The following TMEM67 variants were observed in gnomAD, a reference collection of about 807,000 sequenced individuals.
TMEM67 encodes the protein transmembrane protein 67, also known as meckelin.
TMEM67 carries 124 observed loss-of-function variants against 136.6 expected under a neutral mutation model. That is an observed-to-expected ratio of 0.91 (90% CI 0.78 to 1.05). The LOEUF is 1.05. TMEM67 is among the 50% of genes least tolerant of loss of function. TMEM67 has a pLI of 0.00. For synonymous variants in TMEM67, 364 were observed against 390.5 expected (o/e 0.93, Z 0.80); for missense variants, 1,107 against 1,178.4 (o/e 0.94, Z 0.89).
chr8:93,758,640 T>A, intron 3 of TMEM67, 64 bp downstream of exon 3: 1 of 1,314,112 alleles, frequency 7.6e-7, no homozygotes, highest in Non-Finnish European at 1.1e-6. Flanking sequence ...TGTTTTTATT[T>A]GAAAAGGGCA....
In TMEM67 at chr8:93,791,271, C is replaced by T. The variant is rs1375596253; in HGVS notation, c.1527C>T (p.Phe509=). 3 of 1,603,312 alleles carry T rather than the reference C, an allele frequency of 1.9e-6. No homozygotes were observed. The highest frequency in any genetic ancestry group is 2.6e-6 in the Non-Finnish European group (3 of 1,170,998). Residue 509 remains phenylalanine, a synonymous_variant, in exon 15 of 28, where the codon TTC becomes TTT. Coordinates refer to ENST00000453321, the MANE Select transcript of TMEM67 (RefSeq NM_153704.6). ...TTTGTTTTAAATATCAGGTTTCTTT[C>T]TCAGTCACATATGAAATGGATCATG... The part of the protein sequence containing the change: ...DANSQSVKVS[F]SVTYEMDHGE...
At position 93,765,636 on chromosome 8, in the gene TMEM67, A is replaced by G. The variant is rs768183184; in HGVS notation, c.641A>G (p.Tyr214Cys). 7.6e-5 allele frequency: 123 copies of G among 1,610,662 alleles called. No homozygotes were observed. The highest frequency in any genetic ancestry group is 1.0e-4 in the Non-Finnish European group (118 of 1,176,946). Reference protein sequence around the residue: ...FPLRRISAARYGEVGMSLTSE... With the variant: ...FPLRRISAARCGEVGMSLTSE... ...CTACGTAGAATTTCAGCTGCACGTT[A>G]TGGAGAAGTTGTGAGTATGTTTCAA... The change falls in exon 6 of 28, where the codon TAT becomes TGT. Residue 214 changes from tyrosine to cysteine, a missense_variant. Around this residue, in one of 3 missense-constraint regions of TMEM67, gnomAD observed 925 missense variants for 1,002.4 expected, o/e 0.92. Coordinates refer to ENST00000453321, the MANE Select transcript of TMEM67 (RefSeq NM_153704.6).
chr8:93,781,259 G>GT (rs1358571466), intron 9 of TMEM67, among the ~76,000 whole-genome samples: 1 of 152,146 alleles, frequency 6.6e-6, no homozygotes, highest in Non-Finnish European at 1.5e-5. Flanking sequence ...TCTCTGTCCT[G>GT]TTTTTTCCAC....
chr8:93,764,102 G>A (rs554732206), intron 4 of TMEM67, among the ~76,000 whole-genome samples, 161 bp downstream of exon 4: 2 of 152,280 alleles, frequency 1.3e-5, no homozygotes, highest in South Asian at 2.1e-4. Flanking sequence ...GGCCCAGAGC[G>A]TGAGACACAC....
chr8:93,758,167 A>G (rs1425142277), intron 2 of TMEM67, among the ~76,000 whole-genome samples: 1 of 152,222 alleles, frequency 6.6e-6, no homozygotes, highest in African/African-American at 2.4e-5. Flanking sequence ...GTTGTGTTTT[A>G]TATTTGTAAA....
rs978896425 is a variant in TMEM67, at chr8:93,791,434, C to T, written c.1575+115C>T. On this transcript the variant is annotated intron_variant, in intron 15 of 27. Transcript: ENST00000453321. The stretch of plus-strand genomic sequence containing the variant: ...CCAGCTATTCTTTCCCCAGACTCCC[C>T]TAATGTTAGCATACAAAACCTTAGT... 4 of 695,536 alleles carry T rather than the reference C, an allele frequency of 5.8e-6. No homozygotes were observed. In the Admixed American group the frequency reaches 7.1e-5, roughly 12 times the overall value. The allele number at this position is 695,536 out of a possible 1,614,324, so 43.1% of individuals were successfully genotyped here.
At chr8:93,784,834 T>G (rs1814019927) in intron 11 of TMEM67, among the ~76,000 whole-genome samples, 1 of 152,190 alleles carries the variant, frequency 6.6e-6, no homozygotes, top group Non-Finnish European at 1.5e-5. Context: ...ATCATATACA[T>G]CATTGTACAG....
the TMEM67 span, among the ~76,000 whole-genome samples, chr8:93,829,208 A>C: frequency 6.6e-6 from 1 of 152,102 alleles, no homozygotes; most frequent in Non-Finnish European, 1.5e-5. Flanking sequence ...CTTTCCAGGA[A>C]TGCCTGCACT....
chr8:93,763,454 T>G (rs1468431459), intron 3 of TMEM67, among the ~76,000 whole-genome samples: 2 of 152,212 alleles, frequency 1.3e-5, no homozygotes, highest in Non-Finnish European at 2.9e-5. Context: ...CCTTCTAAGT[T>G]GCAGAAACTT....
chr8:93,771,444 C>A (rs1484295611), intron 6 of TMEM67, among the ~76,000 whole-genome samples: 1 of 152,040 alleles, frequency 6.6e-6, no homozygotes, highest in Non-Finnish European at 1.5e-5. Context: ...TTCTCTATAC[C>A]ATGTTCCAGA....
In TMEM67 at chr8:93,816,485, A is replaced by ACT. The variant is rs1224440561; in HGVS notation, c.*33_*34insCT. 8.1e-7 allele frequency: 1 copy of ACT among 1,231,738 alleles called. No individual in the cohort carries two copies. The highest frequency in any genetic ancestry group is 1.8e-5 in the Admixed American group (1 of 56,318). 76.3% of individuals were successfully genotyped at this position (1,231,738 alleles called of 1,614,324 possible). Reference sequence around the variant, plus strand: ...AATAAATAACTTAAAGACTCAGTATAATCATGGCCAAAAAAAAGTCATGAT... The same window carrying ACT: ...AATAAATAACTTAAAGACTCAGTATACTATCATGGCCAAAAAAAAGTCATGAT... On this transcript the variant is annotated 3_prime_UTR_variant, in exon 28 of 28. Transcript: ENST00000453321.
At chr8:93,783,408 CT>C (rs1176705255) in intron 11 of TMEM67, among the ~76,000 whole-genome samples, 5 of 152,174 alleles carry the variant, frequency 3.3e-5, no homozygotes, top group Non-Finnish European at 7.4e-5. Context: ...AAAAATACTA[CT>C]TTTTTTAAAT....
At chr8:93,821,226 T>C (rs1041187553), downstream of TMEM67, among the ~76,000 whole-genome samples, 1 of 152,228 alleles carries the variant, frequency 6.6e-6, no homozygotes, top group Non-Finnish European at 1.5e-5. Flanking sequence ...GGGTAAATGG[T>C]AAAGTTTCTA....
intron 9 of TMEM67, 78 bp from the exon 10 acceptor site, chr8:93,781,580 A>G (rs976686717): frequency 3.3e-6 from 2 of 614,512 alleles, no homozygotes; most frequent in South Asian, 2.8e-5. Context: ...AAGATCAGTC[A>G]ACAATGAAAA....
intron 21 of TMEM67, among the ~76,000 whole-genome samples, chr8:93,803,282 T>C (rs1351258995): frequency 6.6e-6 from 1 of 152,208 alleles, no homozygotes; most frequent in African/African-American, 2.4e-5. Flanking sequence ...AACATAAATC[T>C]GACCATCGAT....
chr8:93,811,226 T>G (rs900587884), intron 26 of TMEM67: 3 of 152,208 alleles, frequency 2.0e-5, no homozygotes, highest in Non-Finnish European at 2.9e-5. Flanking sequence ...TAACCAGATA[T>G]GAGGTAAAGC....
At position 93,787,992 on chromosome 8, in the gene TMEM67, G is replaced by C. The variant is rs763454121; in HGVS notation, c.1518+43G>C. Reference sequence around the variant, plus strand: ...TAGTGCCCTTGTATGTATAAATAGAGTATAATACTGATTCAGTTTACATTT... The same window carrying C: ...TAGTGCCCTTGTATGTATAAATAGACTATAATACTGATTCAGTTTACATTT... On this transcript the variant is annotated intron_variant, in intron 14 of 27. Transcript: ENST00000453321. 2.9e-6 allele frequency: 4 copies of C among 1,362,630 alleles called. No homozygotes were observed. In the African/African-American group the frequency reaches 5.7e-5, roughly 20 times the overall value. 84.4% of individuals were successfully genotyped at this position (1,362,630 alleles called of 1,614,324 possible).
chr8:93,799,744 A>G lies in TMEM67; in HGVS notation c.2227A>G (p.Ile743Val). 1 of 1,613,658 alleles carries G rather than the reference A, an allele frequency of 6.2e-7. No individual in the cohort carries two copies. Among genetic ancestry groups the G allele is most frequent in the Non-Finnish European group, 8.5e-7 (1 of 1,179,720 alleles). Residue 743 changes from isoleucine (I) to valine (V), a missense_variant, in exon 21 of 28, where the codon ATT becomes GTT. This residue lies in a region of TMEM67 where 925 missense variants were observed against 1,002.4 expected (regional missense o/e 0.92). Coordinates refer to ENST00000453321, the MANE Select transcript of TMEM67 (RefSeq NM_153704.6). Reference protein sequence around the residue: ...YAVSAALWLAIGIIQVVFFAV... With the variant: ...YAVSAALWLAVGIIQVVFFAV... ...AGTGTCTGCTGCTCTTTGGCTAGCCATTGGAATTATACAGGTAAGGAATTA... is the reference window on the plus strand; with the variant it reads ...AGTGTCTGCTGCTCTTTGGCTAGCCGTTGGAATTATACAGGTAAGGAATTA...
intron 26 of TMEM67, among the ~76,000 whole-genome samples, chr8:93,814,809 G>T (rs1038653661): frequency 2.6e-5 from 4 of 151,978 alleles, no homozygotes; most frequent in African/African-American, 4.8e-5. Context: ...TTTTAAAAGG[G>T]TGTTCACATC....
Sources: allele counts gnomAD v4.1 joint callset (sites outside exome capture counted in the v4.1 genomes callset), GRCh38; gene constraint gnomAD v4.1.1; regional missense constraint gnomAD v4.1.1; transcripts MANE v1.5; gene names NCBI Gene and HGNC (gene_info 2026-07-23, HGNC 2026-07-21).